WWC2: variants seen among roughly 807,000 people sequenced by gnomAD.
The protein encoded by WWC2 is WW and C2 domain containing 2, also known as protein WWC2.
In WWC2, 101 loss-of-function variants were observed where a neutral mutation model predicts 138.5. The ratio of observed to expected loss-of-function variants is 0.73; its 90% CI spans 0.62 to 0.86. The LOEUF (loss-of-function observed/expected upper bound fraction) is 0.86. Ranked by LOEUF, WWC2 falls within the 40% of genes least tolerant of loss-of-function variation. The pLI is 0.00. For missense variants in WWC2, 1,420 were observed against 1,419.4 expected (o/e 1.00, Z -0.01); for synonymous variants, 558 against 538.4 (o/e 1.04, Z -0.50).
At chr4:183,163,572 A>G (rs910241227) in intron 1 of WWC2, among the ~76,000 whole-genome samples, 1 of 152,200 alleles carries the variant, frequency 6.6e-6, no homozygotes. Flanking sequence ...CTGACTACCA[A>G]TGAGTGTTTG....
chr4:183,232,327 T>G (rs1451017130), intron 4 of WWC2, among the ~76,000 whole-genome samples: 1 of 152,186 alleles, frequency 6.6e-6, no homozygotes, highest in Non-Finnish European at 1.5e-5. Context: ...TTTTAATACA[T>G]TCATAGTTAC....
chr4:183,199,099 G>C (rs1735227710), intron 2 of WWC2, among the ~76,000 whole-genome samples: 1 of 152,154 alleles, frequency 6.6e-6, no homozygotes, highest in African/African-American at 2.4e-5. Context: ...AGTTAACCAG[G>C]CTGGAGAAAA....
At position 183,245,431 on chromosome 4, in the gene WWC2, G is replaced by A. The variant is rs1390789240; in HGVS notation, c.618G>A (p.Met206Ile). The change falls in exon 6 of 23, where the codon ATG (methionine) becomes ATA (isoleucine). Residue 206 changes from methionine to isoleucine, a missense_variant. By Grantham distance (10) the Met-to-Ile change is conservative (BLOSUM62 1). Transcript: ENST00000403733. Reference protein sequence around the residue: ...FETLQQIDKKMSGGQSGYELS... With the variant: ...FETLQQIDKKISGGQSGYELS... The stretch of plus-strand genomic sequence containing the variant: ...CTTTTCACAGAATTGATAAAAAAAT[G>A]TCTGGAGGCCAGAGCGGGTATGAAC... 1 of 1,555,966 alleles carries A rather than the reference G, an allele frequency of 6.4e-7. No homozygotes were observed. The highest frequency in any genetic ancestry group is 1.2e-5 in the South Asian group (1 of 81,510).
chr4:183,259,466 G>T (rs1451021667), intron 9 of WWC2, among the ~76,000 whole-genome samples, 173 bp from the exon 10 acceptor site: 1 of 152,146 alleles, frequency 6.6e-6, no homozygotes, highest in Non-Finnish European at 1.5e-5. Flanking sequence ...CCTTCAGCTT[G>T]GCTCGTGCAG....
Position 183,207,956 on chromosome 4 carries a change from C to T in WWC2, c.245C>T (p.Thr82Ile). ...ACCCTCCACCTAATGTTTTCAGAAA[C>T]CACGCAGATAGAAGATCCAAGAAAA... is the stretch of plus-strand genomic sequence containing the variant. Reference protein sequence around the residue: ...GVYYIDHINKTTQIEDPRKQW... With the variant: ...GVYYIDHINKITQIEDPRKQW... The change falls in exon 3 of 23, where the codon ACC (threonine) becomes ATC (isoleucine). Residue 82 changes from threonine to isoleucine, a missense_variant. Transcript: ENST00000403733. 6.2e-7 allele frequency: 1 copy of T among 1,606,086 alleles called. No homozygotes were observed. The highest frequency in any genetic ancestry group is 1.1e-5 in the South Asian group (1 of 89,680).
intron 15 of WWC2, 44 bp downstream of exon 15, chr4:183,269,207 G>A: frequency 1.9e-6 from 3 of 1,561,500 alleles, no homozygotes; most frequent in Non-Finnish European, 2.6e-6. Context: ...CACTTAGATT[G>A]GGTGGTCTGA....
chr4:183,306,881 C>CAAAGAAAAAAAAAA (rs1739038853), intron 21 of WWC2, among the ~76,000 whole-genome samples: 1 of 85,114 alleles, frequency 1.2e-5, no homozygotes, highest in Admixed American at 1.4e-4. Context: ...ATATATGAGG[C>CAAAGAAAAAAAAAA]AAAAAAAAAA....
At chr4:183,101,822 C>T (rs1743189997) in intron 1 of WWC2, among the ~76,000 whole-genome samples, 1 of 152,188 alleles carries the variant, frequency 6.6e-6, no homozygotes, top group Non-Finnish European at 1.5e-5. Flanking sequence ...ACTTGATATA[C>T]TATGGGTCTG....
At chr4:183,188,708 G>GATCTTCAC (rs1174806639) in intron 1 of WWC2, among the ~76,000 whole-genome samples, 61 of 137,072 alleles carry the variant, frequency 4.5e-4, no homozygotes, top group African/African-American at 1.7e-3. Context: ...GCAATGGCCC[G>GATCTTCAC]ATCTTCACTC....
intron 8 of WWC2, among the ~76,000 whole-genome samples, chr4:183,250,785 A>G (rs1438005549): frequency 1.3e-5 from 2 of 152,190 alleles, no homozygotes; most frequent in South Asian, 2.1e-4. Context: ...GAGAAACTGC[A>G]TTATCGTCCT....
intron 1 of WWC2, among the ~76,000 whole-genome samples, chr4:183,167,320 G>T (rs576276257): frequency 1.3e-4 from 20 of 152,318 alleles, no homozygotes; most frequent in Admixed American, 3.3e-4. Context: ...TCAGGTTAGT[G>T]AGGGAGAATA....
Position 183,261,141 on chromosome 4 carries a change from T to G in WWC2, c.1518T>G (p.His506Gln), listed in dbSNP as rs747407404. Residue 506 changes from histidine to glutamine, a missense_variant, in exon 11 of 23, where the codon CAT becomes CAG. His to Gln is a conservative substitution (Grantham distance 24, BLOSUM62 0). Coordinates refer to ENST00000403733, the MANE Select transcript of WWC2 (RefSeq NM_024949.6). ...CTTCTGGACCCATCACCACCATCCA[T>G]GAAAACGAGGTGGTCAAGTCCCCTA... ...YIPSGPITTI[H>Q]ENEVVKSPSQ... The G allele has an allele frequency of 3.7e-6, 6 of 1,613,856 alleles. No individual in the cohort carries two copies. Among genetic ancestry groups the G allele is most frequent in the Non-Finnish European group, 5.1e-6 (6 of 1,179,882 alleles).
intron 1 of WWC2, among the ~76,000 whole-genome samples, chr4:183,099,831 C>T (rs1743108154): frequency 7.1e-6 from 1 of 140,558 alleles, no homozygotes; most frequent in Non-Finnish European, 1.6e-5. Context: ...CCTCCGGGGA[C>T]CCGGCCCCGA....
At chr4:183,216,451 A>G (rs1735759830) in intron 4 of WWC2, among the ~76,000 whole-genome samples, 1 of 152,222 alleles carries the variant, frequency 6.6e-6, no homozygotes. Context: ...GGCTGTCAAA[A>G]TCATGTGGAT....
rs115424104 is a variant in WWC2 at position 183,268,819 on chromosome 4, G to A, written c.2208-152G>A. Among the ~76,000 whole-genome samples the A allele has an allele frequency of 4.6e-3, 703 of 152,310 alleles. 2 individuals carry two copies. The highest frequency in any genetic ancestry group is 7.4e-3 in the Non-Finnish European group (502 of 68,036). On this transcript the variant is annotated intron_variant, in intron 14 of 22. Coordinates refer to ENST00000403733, the MANE Select transcript of WWC2 (RefSeq NM_024949.6). ...TTAAGGACAGAGCATCTATGCAGCT[G>A]AGCACGGACCCGTGATGGCAGCAAC...
intron 1 of WWC2, among the ~76,000 whole-genome samples, chr4:183,103,936 G>C (rs1047866887): frequency 2.0e-5 from 3 of 151,570 alleles, no homozygotes; most frequent in African/African-American, 7.3e-5. Context: ...GCCCGGCCTG[G>C]CCTTGTCTTT....
chr4:183,261,413 T>C lies in WWC2; in HGVS notation c.1790T>C (p.Ile597Thr), dbSNP rs1005541948. 5 of 1,612,784 alleles carry C rather than the reference T, an allele frequency of 3.1e-6. No individual in the cohort carries two copies. The highest frequency in any genetic ancestry group is 4.5e-5 in the East Asian group (2 of 44,892). ...GAGTTGAGTAGCCATTTTGCAGATA[T>C]CAGCCTCATCGAAAATCAGATTTTG... is the stretch of plus-strand genomic sequence containing the variant. ...DCELSSHFAD[I>T]SLIENQILLD... Residue 597 changes from isoleucine (I) to threonine (T), a missense_variant, in exon 11 of 23, where the codon ATC becomes ACC. Transcript: ENST00000403733.
rs554239983 is a variant in WWC2 at position 183,188,277 on chromosome 4, C to T, written c.132-5322C>T. On this transcript the variant is annotated intron_variant, in intron 1 of 22. Coordinates refer to ENST00000403733, the MANE Select transcript of WWC2 (RefSeq NM_024949.6). The stretch of plus-strand genomic sequence containing the variant: ...TTTTTGAGACAGAGTCTCGCTGTGT[C>T]GCCCAGGCTGGAGTGCAGTGGCACA... 1.5e-4 allele frequency among the ~76,000 whole-genome samples: 23 copies of T among 152,144 alleles called. 2 individuals are homozygous for T. The South Asian group carries it at 4.6e-3, about 30-fold the overall frequency.
intron 10 of WWC2, among the ~76,000 whole-genome samples, chr4:183,259,996 C>A (rs1289043638): frequency 6.6e-6 from 1 of 152,092 alleles, no homozygotes; most frequent in African/African-American, 2.4e-5. Context: ...TCCCATTGCC[C>A]CATTTTTTAA....
Sources: allele counts gnomAD v4.1 joint callset (sites outside exome capture counted in the v4.1 genomes callset), GRCh38; gene constraint gnomAD v4.1.1; transcripts MANE v1.5; gene names NCBI Gene and HGNC (gene_info 2026-07-23, HGNC 2026-07-21).